PRAMEF2: variants seen among roughly 807,000 people sequenced by gnomAD.
PRAMEF2 encodes the protein PRAME family member 2.
A neutral mutation model predicts 38.0 loss-of-function variants in PRAMEF2; 35 were observed. The ratio of observed to expected loss-of-function variants is 0.92; its 90% CI spans 0.70 to 1.22. The LOEUF (loss-of-function observed/expected upper bound fraction) is 1.22, where lower values mean the gene tolerates loss of function less well. Ranked by LOEUF, PRAMEF2 falls within the 50% of genes most tolerant of loss-of-function variation. The probability of loss-of-function intolerance (pLI) is 0.00; values close to 1 mark genes in which losing one functional copy is unlikely to be tolerated. For synonymous variants in PRAMEF2, 240 were observed against 232.4 expected (o/e 1.03, Z -0.30); for missense variants, 562 against 553.9 (o/e 1.01, Z -0.15).
rs1640510044 is a variant in PRAMEF2, at chr1:12,859,720, G to T, written c.315G>T (p.Leu105Phe). 1.2e-6 allele frequency: 2 copies of T among 1,606,586 alleles called. No individual in the cohort carries two copies. The highest frequency in any genetic ancestry group is 1.3e-5 in the African/African-American group (1 of 74,332). ...GGTGGAAACTTCAAGTGCTGGATTT[G>T]CGGGATGTTGATGAGAATTTCTGGG... Reference protein sequence around the residue: ...PRRWKLQVLDLRDVDENFWAR... With the variant: ...PRRWKLQVLDFRDVDENFWAR... The change falls in exon 3 of 4, where the codon TTG (leucine) becomes TTT (phenylalanine). Residue 105 changes from leucine to phenylalanine, a missense_variant. Transcript: ENST00000240189.
rs774381005 is a variant in PRAMEF2 at position 12,861,631 on chromosome 1, A to G, written c.1277A>G (p.Asn426Ser). The change falls in exon 4 of 4, where the codon AAT (asparagine) becomes AGT (serine). Residue 426 changes from asparagine to serine, a missense_variant. Coordinates refer to ENST00000240189, the MANE Select transcript of PRAMEF2 (RefSeq NM_023014.1). ...EESLNSLVRVNWEIFTPLRAE... is the reference protein window; with the variant it reads ...EESLNSLVRVSWEIFTPLRAE... Reference sequence around the variant, plus strand: ...AGTTTGAATTCCTTGGTTCGTGTCAATTGGGAGATCTTCACCCCACTTCGG... The same window carrying G: ...AGTTTGAATTCCTTGGTTCGTGTCAGTTGGGAGATCTTCACCCCACTTCGG... The G allele has an allele frequency of 2.7e-5, 43 of 1,601,516 alleles. 2 individuals carry two copies. The highest frequency in any genetic ancestry group is 3.3e-5 in the Non-Finnish European group (39 of 1,175,192).
chr1:12,860,202 T>C lies in PRAMEF2; in HGVS notation c.797T>C (p.Leu266Pro), dbSNP rs779798494. 1.1e-5 allele frequency: 17 copies of C among 1,607,042 alleles called. 1 individual carries two copies. In the African/African-American group the frequency reaches 2.0e-4, roughly 19 times the overall value. Residue 266 changes from leucine to proline, a missense_variant, in exon 3 of 4, where the codon CTG becomes CCG. Physicochemically the swap from Leu to Pro is moderately conservative, Grantham distance 98 (BLOSUM62 -3). Coordinates refer to ENST00000240189, the MANE Select transcript of PRAMEF2 (RefSeq NM_023014.1). ...VTRFTSVFLR[L>P]EHLQLLKIKL... ...AGATTCACCTCTGTGTTCCTCAGGC[T>C]GGAACACCTCCAGTTGCTTAAAATA...
At position 12,859,647 on chromosome 1, in the gene PRAMEF2, G is replaced by A; in HGVS notation, c.288-46G>A. ...GATGAGAATGAAAGCAAAGGTCAGG[G>A]ATGAGTCCCTCTAAATTCTGAGCCT... On this transcript the variant is annotated intron_variant, in intron 2 of 3. Transcript: ENST00000240189. 1.9e-6 allele frequency: 3 copies of A among 1,604,092 alleles called. 1 individual carries two copies. Among genetic ancestry groups the A allele is most frequent in the Non-Finnish European group, 2.6e-6 (3 of 1,175,222 alleles).
rs1188807939 is a variant in PRAMEF2, at chr1:12,859,118, C to G, written c.109C>G (p.Leu37Val). 6.2e-7 allele frequency: 1 copy of G among 1,606,520 alleles called. No homozygotes were observed. The highest frequency in any genetic ancestry group is 1.1e-5 in the South Asian group (1 of 90,546). Reference sequence around the variant, plus strand: ...GGAGGAGCTGCCCAGGGTGCTCTATCTCCCACTCTTCAGGGAGGCCTTCAG... The same window carrying G: ...GGAGGAGCTGCCCAGGGTGCTCTATGTCCCACTCTTCAGGGAGGCCTTCAG... ...AMEELPRVLY[L>V]PLFREAFSRR... The change falls in exon 2 of 4, where the codon CTC (leucine) becomes GTC (valine). Residue 37 changes from leucine to valine, a missense_variant. Coordinates refer to ENST00000240189, the MANE Select transcript of PRAMEF2 (RefSeq NM_023014.1).
Position 12,861,481 on chromosome 1 carries a change from G to A in PRAMEF2, c.1127G>A (p.Cys376Tyr), listed in dbSNP as rs756610160. 1 of 1,606,074 alleles carries A rather than the reference G, an allele frequency of 6.2e-7. No individual in the cohort carries two copies. The highest frequency in any genetic ancestry group is 8.5e-7 in the Non-Finnish European group (1 of 1,177,486). Residue 376 changes from cysteine to tyrosine, a missense_variant, in exon 4 of 4, where the codon TGC becomes TAC. By Grantham distance (194) the Cys-to-Tyr change is radical. Transcript: ENST00000240189. ...LSAILPGLSC[C>Y]SQLTTFYFGS... ...GCCATCCTGCCTGGCCTGAGCTGCT[G>A]CTCCCAGCTCACCACCTTCTACTTT...
At position 12,860,470 on chromosome 1, in the gene PRAMEF2, G is replaced by A. The variant is rs557890754; in HGVS notation, c.866+199G>A. Among the ~76,000 whole-genome samples the A allele has an allele frequency of 4.4e-4, 66 of 150,124 alleles. 4 individuals are homozygous for A. The highest frequency in any genetic ancestry group is 6.9e-3 in the Middle Eastern group (2 of 290). Reference sequence around the variant, plus strand: ...CAGGATCGCTCCAATAAGGGCAGAGGGGTCACCTGGGGTAGAAGCTAGAGA... The same window carrying A: ...CAGGATCGCTCCAATAAGGGCAGAGAGGTCACCTGGGGTAGAAGCTAGAGA... On this transcript the variant is annotated intron_variant, in intron 3 of 3. Coordinates refer to ENST00000240189, the MANE Select transcript of PRAMEF2 (RefSeq NM_023014.1).
intron 1 of PRAMEF2, among the ~76,000 whole-genome samples, chr1:12,857,358 T>C (rs116659978): frequency 0.015 from 2,310 of 149,614 alleles, 141 homozygotes; most frequent in African/African-American, 0.054. Context: ...AAAATTCTTA[T>C]GGAAGCAGGT....
At position 12,859,274 on chromosome 1, in the gene PRAMEF2, C is replaced by T. The variant is rs377729656; in HGVS notation, c.265C>T (p.Leu89Phe). The change falls in exon 2 of 4, where the codon CTT becomes TTT. Residue 89 changes from leucine to phenylalanine, a missense_variant. Leu to Phe is a conservative substitution (Grantham distance 22, BLOSUM62 0). Transcript: ENST00000240189. ...KALLEGLHML[L>F]TQKDRPRRWK... ...ATTGCTGGAAGGGCTTCATATGCTG[C>T]TTACACAGAAGGATCGCCCCAGGTG... 2.5e-6 allele frequency: 4 copies of T among 1,610,130 alleles called. No homozygotes were observed. The African/African-American group carries it at 5.4e-5, about 22-fold the overall frequency.
chr1:12,859,573 A>C, intron 2 of PRAMEF2, 120 bp from the exon 3 acceptor site: 1 of 1,513,248 alleles, frequency 6.6e-7, no homozygotes, highest in Non-Finnish European at 9.0e-7. Context: ...GGATTGAGAA[A>C]AGACAAAGAG....
In PRAMEF2 at chr1:12,859,976, C is replaced by T. The variant is rs780066406; in HGVS notation, c.571C>T (p.Pro191Ser). 1.9e-6 allele frequency: 3 copies of T among 1,607,730 alleles called. No individual in the cohort carries two copies. The highest frequency in any genetic ancestry group is 2.2e-5 in the East Asian group (1 of 44,742). The change falls in exon 3 of 4, where the codon CCA becomes TCA. Residue 191 changes from proline to serine, a missense_variant. Transcript: ENST00000240189. ...TAGTAAGCTGGTCAATTATCTAACG[C>T]CAATTAAATATCTCAGAAAGTCATT... Reference protein sequence around the residue: ...CCSKLVNYLTPIKYLRKSLKI... With the variant: ...CCSKLVNYLTSIKYLRKSLKI...
intron 1 of PRAMEF2, among the ~76,000 whole-genome samples, chr1:12,857,489 A>G (rs192945401): frequency 0.01 from 1,444 of 143,602 alleles, 111 homozygotes; most frequent in Non-Finnish European, 0.017. Flanking sequence ...TGATCCTCCA[A>G]GTATGCTTTC....
Position 12,861,703 on chromosome 1 carries a change from T to C in PRAMEF2, c.1349T>C (p.Ile450Thr), listed in dbSNP as rs750546023. 30 of 1,578,840 alleles carry C rather than the reference T, an allele frequency of 1.9e-5. 2 individuals carry two copies. Among genetic ancestry groups the C allele is most frequent in the Non-Finnish European group, 4.3e-6 (5 of 1,159,530 alleles). ...AGGGAATTCAGGCAGCCCAAGAGGATCTTCATTGGCCCCACCCCCTGCCCT... is the reference window on the plus strand; with the variant it reads ...AGGGAATTCAGGCAGCCCAAGAGGACCTTCATTGGCCCCACCCCCTGCCCT... ...TLREFRQPKRIFIGPTPCPSC... is the reference protein window; with the variant it reads ...TLREFRQPKRTFIGPTPCPSC... Residue 450 changes from isoleucine (I) to threonine (T), a missense_variant, in exon 4 of 4, where the codon ATC becomes ACC. By Grantham distance (89) the Ile-to-Thr change is moderately conservative. Coordinates refer to ENST00000240189, the MANE Select transcript of PRAMEF2 (RefSeq NM_023014.1).
chr1:12,860,908 T>TCA (rs1175065671), intron 3 of PRAMEF2, among the ~76,000 whole-genome samples: 4 of 149,684 alleles, frequency 2.7e-5, no homozygotes, highest in Non-Finnish European at 4.4e-5. Flanking sequence ...GTTGAGTTCT[T>TCA]TGTTCACATC....
At position 12,857,811 on chromosome 1, in the gene PRAMEF2, G is replaced by T. The variant is rs1328506988; in HGVS notation, c.-26+664G>T. 2.1e-5 allele frequency among the ~76,000 whole-genome samples: 3 copies of T among 145,422 alleles called. 1 individual carries two copies. Among genetic ancestry groups the T allele is most frequent in the Non-Finnish European group, 3.0e-5 (2 of 66,376 alleles). ...CCTCCTAGTTACATGTGATTCTCCT[G>T]CTTCAGCCTCCTGAGTAGCTTGGAT... On this transcript the variant is annotated intron_variant, in intron 1 of 3. Coordinates refer to ENST00000240189, the MANE Select transcript of PRAMEF2 (RefSeq NM_023014.1).
At position 12,860,277 on chromosome 1, in the gene PRAMEF2, A is replaced by G. The variant is rs58524511; in HGVS notation, c.866+6A>G. The stretch of plus-strand genomic sequence containing the variant: ...CACCTGGAACAGCTGATCAGGTGAG[A>G]AAGGATTGTGCACTTTGTATGCAGA... On this transcript the variant is annotated splice_donor_region_variant and intron_variant, in intron 3 of 3. Transcript: ENST00000240189. The G allele has an allele frequency of 0.041, 64,259 of 1,572,242 alleles. 1,225 individuals are homozygous for G. Among genetic ancestry groups the G allele is most frequent in the East Asian group, 0.21 (8,829 of 42,572 alleles).
intron 2 of PRAMEF2, 60 bp from the exon 3 acceptor site, chr1:12,859,633 A>C (rs1640507883): frequency 6.3e-7 from 1 of 1,599,910 alleles, no homozygotes. Context: ...ATGAGAATGA[A>C]AGCAAAGGTC....
In PRAMEF2 at chr1:12,861,547, T is replaced by A. The variant is rs1640553145; in HGVS notation, c.1193T>A (p.Leu398Gln). 3.1e-6 allele frequency: 5 copies of A among 1,605,440 alleles called. No individual in the cohort carries two copies. The highest frequency in any genetic ancestry group is 4.2e-6 in the Non-Finnish European group (5 of 1,176,866). The change falls in exon 4 of 4, where the codon CTG becomes CAG. Residue 398 changes from leucine (L) to glutamine (Q), a missense_variant. Transcript: ENST00000240189. The part of the protein sequence containing the change: ...CMSIDALKDL[L>Q]RHTSGLSKLS... ...TCTATTGACGCCCTGAAGGACCTGC[T>A]GCGCCACACCAGTGGGCTGAGCAAG...
Position 12,861,518 on chromosome 1 carries a change from C to T in PRAMEF2, c.1164C>T (p.Cys388=), listed in dbSNP as rs4350210. Reference sequence around the variant, plus strand: ...CCACCTTCTACTTTGGCAGCAATTGCATGTCTATTGACGCCCTGAAGGACC... The same window carrying T: ...CCACCTTCTACTTTGGCAGCAATTGTATGTCTATTGACGCCCTGAAGGACC... ...QLTTFYFGSN[C]MSIDALKDLL... The change falls in exon 4 of 4, where the codon TGC becomes TGT. Residue 388 remains cysteine, a synonymous_variant. Transcript: ENST00000240189. 3.1e-6 allele frequency: 5 copies of T among 1,605,644 alleles called. 1 individual carries two copies. The Admixed American group carries it at 6.9e-5, about 22-fold the overall frequency.
intron 3 of PRAMEF2, 59 bp from the exon 4 acceptor site, chr1:12,861,162 C>T (rs1569850340): frequency 6.5e-7 from 1 of 1,547,670 alleles, no homozygotes; most frequent in South Asian, 1.1e-5. Context: ...TGAGGTTATT[C>T]CCCACTACCT....
Sources: allele counts gnomAD v4.1 joint callset (sites outside exome capture counted in the v4.1 genomes callset), GRCh38; gene constraint gnomAD v4.1.1; transcripts MANE v1.5; gene names NCBI Gene and HGNC (gene_info 2026-07-23, HGNC 2026-07-21).